The following SCUBE1 variants were observed in gnomAD, a reference collection of about 807,000 sequenced individuals.
SCUBE1 encodes the protein signal peptide, CUB domain and EGF like domain containing 1, also known as signal peptide, CUB and EGF-like domain-containing protein 1.
In SCUBE1, 59 loss-of-function variants were observed where a neutral mutation model predicts 124.4. The observed-to-expected ratio is 0.47, with a 90% CI of 0.38 to 0.59. SCUBE1 has a LOEUF of 0.59. Ranked by LOEUF, SCUBE1 falls within the 20% of genes least tolerant of loss-of-function variation. The pLI, the probability that SCUBE1 is intolerant of heterozygous loss-of-function variation, is 0.00. For missense variants in SCUBE1, 1,150 were observed against 1,371.2 expected (o/e 0.84, Z 2.55); for synonymous variants, 545 against 550.9 (o/e 0.99, Z 0.15).
intron 2 of SCUBE1, among the ~76,000 whole-genome samples, chr22:43,332,471 C>T (rs1926933220): frequency 6.6e-6 from 1 of 152,086 alleles, no homozygotes; most frequent in Non-Finnish European, 1.5e-5. Flanking sequence ...CTGTACAGCT[C>T]CCTCGATCCC....
At chr22:43,264,493 G>A (rs117052401) in intron 4 of SCUBE1, among the ~76,000 whole-genome samples, 2,058 of 152,310 alleles carry the variant, frequency 0.014, 15 homozygotes, top group Non-Finnish European at 0.02. Context: ...GCTCTCGGTA[G>A]AGAAACCTTC....
chr22:43,301,453 C>T (rs559826740), intron 3 of SCUBE1, among the ~76,000 whole-genome samples: 1 of 152,330 alleles, frequency 6.6e-6, no homozygotes, highest in African/African-American at 2.4e-5. Context: ...TCCCTTGACC[C>T]CAGCTGTCCT....
At chr22:43,275,605 C>T (rs1924475612) in intron 4 of SCUBE1, among the ~76,000 whole-genome samples, 1 of 152,216 alleles carries the variant, frequency 6.6e-6, no homozygotes, top group Non-Finnish European at 1.5e-5. Context: ...ACGTGCACGC[C>T]TGCCTAAGAG....
At chr22:43,329,790 T>G (rs764739481) in intron 2 of SCUBE1, among the ~76,000 whole-genome samples, 12 of 152,176 alleles carry the variant, frequency 7.9e-5, no homozygotes, top group Non-Finnish European at 1.8e-4. Context: ...CCTCTTTGTC[T>G]CAAAGCCTTT....
intron 3 of SCUBE1, among the ~76,000 whole-genome samples, chr22:43,298,645 C>T (rs943479181): frequency 7.9e-5 from 12 of 152,214 alleles, no homozygotes; most frequent in Non-Finnish European, 1.6e-4. Context: ...GGGAGTCTAC[C>T]GCCCAGTGCA....
intron 6 of SCUBE1, among the ~76,000 whole-genome samples, chr22:43,243,595 C>T (rs569069952): frequency 6.6e-6 from 1 of 152,338 alleles, no homozygotes; most frequent in South Asian, 2.1e-4. Flanking sequence ...GCTTACGCCG[C>T]CCCAGGTCTG....
chr22:43,341,987 G>C (rs77816285), intron 1 of SCUBE1, among the ~76,000 whole-genome samples: 1 of 152,014 alleles, frequency 6.6e-6, no homozygotes, highest in South Asian at 2.1e-4. Flanking sequence ...GGGATGATGG[G>C]GCAGCAGGGC....
At chr22:43,303,013 C>T (rs546264827) in intron 3 of SCUBE1, among the ~76,000 whole-genome samples, 15 of 152,220 alleles carry the variant, frequency 9.9e-5, no homozygotes, top group East Asian at 1.9e-4. Flanking sequence ...GGAGCTCCCA[C>T]GACACCCCAG....
At position 43,322,370 on chromosome 22, in the gene SCUBE1, G is replaced by A. The variant is rs1306941113; in HGVS notation, c.221-2305C>T. On this transcript the variant is annotated intron_variant, in intron 2 of 21. Transcript: ENST00000360835. The stretch of plus-strand genomic sequence containing the variant: ...TCTCCAGAGCCCCAGATAGACTAAT[G>A]CAACCACCTCTTCCCCTGGGTATTC... Among the ~76,000 whole-genome samples, 9 of 152,238 alleles carry A rather than the reference G, an allele frequency of 5.9e-5. No homozygotes were observed. In the East Asian group the frequency reaches 1.7e-3, roughly 29 times the overall value.
At position 43,338,287 on chromosome 22, in the gene SCUBE1, G is replaced by A. The variant is rs558756491; in HGVS notation, c.220+817C>T. ...GGGAGGCAGTTTTTAATAGCAGGAG[G>A]GCTAACCAGCACCCCAGGTGCAGGG... On this transcript the variant is annotated intron_variant, in intron 2 of 21. Transcript: ENST00000360835. Among the ~76,000 whole-genome samples, 15 of 152,278 alleles carry A rather than the reference G, an allele frequency of 9.9e-5. 1 individual carries two copies. In the South Asian group the frequency reaches 3.1e-3, roughly 32 times the overall value.
At chr22:43,220,776 C>A (rs190655506) in intron 13 of SCUBE1, among the ~76,000 whole-genome samples, 189 bp from the exon 14 acceptor site, 3 of 152,188 alleles carry the variant, frequency 2.0e-5, no homozygotes, top group Non-Finnish European at 4.4e-5. Flanking sequence ...CCAGGTCTCA[C>A]GCCCGGTCCA....
chr22:43,277,321 G>T (rs1924567883), intron 4 of SCUBE1, among the ~76,000 whole-genome samples: 1 of 152,118 alleles, frequency 6.6e-6, no homozygotes, highest in Admixed American at 6.5e-5. Context: ...CTTGAGTGGG[G>T]AATGACAGAG....
intron 10 of SCUBE1, among the ~76,000 whole-genome samples, chr22:43,224,725 C>G (rs551189084): frequency 1.8e-4 from 27 of 152,272 alleles, no homozygotes; most frequent in African/African-American, 6.5e-4. Flanking sequence ...TGTCAGGTCA[C>G]TGACTGCACG....
Position 43,210,130 on chromosome 22 carries a change from G to T in SCUBE1, c.2494C>A (p.Pro832Thr), listed in dbSNP as rs1373540558. 9.3e-6 allele frequency: 15 copies of T among 1,612,688 alleles called. No homozygotes were observed. The highest frequency in any genetic ancestry group is 1.3e-5 in the African/African-American group (1 of 74,924). Reference sequence around the variant, plus strand: ...ACCACGATGAGGATCCTGCGCTTTGGGGGAGGCGCGATGTGCCAGACGCAT... The same window carrying T: ...ACCACGATGAGGATCCTGCGCTTTGTGGGAGGCGCGATGTGCCAGACGCAT... The part of the protein sequence containing the change: ...AECVWHIAPP[P>T]KRRILIVVPE... The change falls in exon 19 of 22, where the codon CCA becomes ACA. Residue 832 changes from proline (P) to threonine (T), a missense_variant. By Grantham distance (38) the Pro-to-Thr change is conservative. This residue lies in a region of SCUBE1 where 757 missense variants were observed against 840.9 expected (regional missense o/e 0.90). Transcript: ENST00000360835. This position sits in a 1 kb window ranked among gnomAD's most constrained non-coding sequence, Gnocchi z 4.5.
chr22:43,322,282 A>G (rs1426778570), intron 2 of SCUBE1, among the ~76,000 whole-genome samples: 1 of 152,126 alleles, frequency 6.6e-6, no homozygotes, highest in Non-Finnish European at 1.5e-5. Flanking sequence ...CTCGTCCGGC[A>G]TAGATTTTAA....
At chr22:43,250,617 G>A in intron 6 of SCUBE1, among the ~76,000 whole-genome samples, 1 of 152,190 alleles carries the variant, frequency 6.6e-6, no homozygotes. Flanking sequence ...GGAGTTCCCA[G>A]CTGCCTTTCT....
At chr22:43,297,097 CT>C (rs1387063763) in intron 3 of SCUBE1, among the ~76,000 whole-genome samples, 2 of 152,246 alleles carry the variant, frequency 1.3e-5, no homozygotes, top group Non-Finnish European at 2.9e-5. Flanking sequence ...GCCACCAGGC[CT>C]GAGGACCCTG....
chr22:43,268,049 G>A (rs747227417), intron 4 of SCUBE1, among the ~76,000 whole-genome samples: 4 of 152,164 alleles, frequency 2.6e-5, no homozygotes, highest in Non-Finnish European at 4.4e-5. Flanking sequence ...AGGACCCCCC[G>A]GGCCTCCTCC....
At position 43,316,638 on chromosome 22, in the gene SCUBE1, G is replaced by GGA. The variant is rs1210966460; in HGVS notation, c.349+3298_349+3299insTC. 2.2e-3 allele frequency among the ~76,000 whole-genome samples: 333 copies of GGA among 152,222 alleles called. 1 individual carries two copies. The highest frequency in any genetic ancestry group is 7.2e-3 in the African/African-American group (298 of 41,538). ...CACGCACCAGGAGCTGAGCCTCAGG[G>GGA]GCTGCCTGCAGGTCTATGTAGGCTC... On this transcript the variant is annotated intron_variant, in intron 3 of 21. Transcript: ENST00000360835.
Sources: gnomAD v4.1 joint callset for allele counts (sites outside exome capture counted in the v4.1 genomes callset) on GRCh38, gnomAD v4.1.1 for gene constraint, gnomAD v4.1.1 regional missense constraint, Gnocchi (gnomAD v3.1) non-coding constraint, MANE v1.5 for transcripts, NCBI Gene and HGNC (gene_info 2026-07-23, HGNC 2026-07-21) for gene names.